Variants in SSH1 observed in about 807,000 individuals in gnomAD.
SSH1 encodes protein phosphatase Slingshot homolog 1.
A neutral mutation model predicts 79.7 loss-of-function variants in SSH1; 43 were observed. That is an observed-to-expected ratio of 0.54 (90% CI 0.42 to 0.70). SSH1 has a LOEUF of 0.70. Among genes scored for constraint, SSH1 ranks in the 30% least tolerant of loss-of-function variants. The pLI is 0.00. For synonymous variants in SSH1, 599 were observed against 538.3 expected, an observed-to-expected ratio of 1.11 and a Z score of -1.56; for missense variants, 1,206 against 1,358.8, an observed-to-expected ratio of 0.89 and a Z score of 1.77.
At chr12:108,845,079 T>C (rs912357758) in intron 2 of SSH1, among the ~76,000 whole-genome samples, 12 of 134,834 alleles carry the variant, frequency 8.9e-5, no homozygotes, top group African/African-American at 3.5e-4. Flanking sequence ...ATTTGCAGGG[T>C]ACACCTACAG....
intron 1 of SSH1, among the ~76,000 whole-genome samples, chr12:108,854,606 C>T (rs1285566405): frequency 6.6e-6 from 1 of 152,204 alleles, no homozygotes; most frequent in Non-Finnish European, 1.5e-5. Context: ...CCCTAAGTGT[C>T]TGACTCATTA....
At chr12:108,806,467 A>C (rs1487621171) in intron 8 of SSH1, 73 bp from the exon 9 acceptor site, 4 of 1,361,762 alleles carry the variant, frequency 2.9e-6, no homozygotes, top group Non-Finnish European at 4.2e-6. Context: ...GGAATGCCAG[A>C]TGCTCCTGGG....
intron 7 of SSH1, among the ~76,000 whole-genome samples, chr12:108,809,470 AAC>A (rs1311273223): frequency 6.6e-6 from 1 of 151,590 alleles, no homozygotes; most frequent in East Asian, 1.9e-4. Context: ...AAAAAAAAAA[AAC>A]GAGAAACCCC....
chr12:108,811,711 C>T (rs1418726408), intron 5 of SSH1: 2 of 339,634 alleles, frequency 5.9e-6, no homozygotes, highest in East Asian at 7.1e-5. Context: ...GTGCTCACAC[C>T]GTTCCCGGAG....
intron 2 of SSH1, among the ~76,000 whole-genome samples, chr12:108,836,585 T>C (rs774286913): frequency 6.6e-6 from 1 of 152,192 alleles, no homozygotes; most frequent in Non-Finnish European, 1.5e-5. Flanking sequence ...GAGCAGATTA[T>C]AAACCACTGA....
At chr12:108,852,483 G>A (rs2137295600) in intron 2 of SSH1, among the ~76,000 whole-genome samples, 155 bp downstream of exon 2, 1 of 152,186 alleles carries the variant, frequency 6.6e-6, no homozygotes, top group Non-Finnish European at 1.5e-5. Flanking sequence ...ACCCGCCTCA[G>A]CCTCCCAAAG....
chr12:108,811,997 T>C (rs192342269), intron 5 of SSH1, among the ~76,000 whole-genome samples: 9 of 152,170 alleles, frequency 5.9e-5, no homozygotes, highest in African/African-American at 2.2e-4. Context: ...TGCTTCCATC[T>C]CTGCTGCTGC....
In SSH1 at chr12:108,792,854, G is replaced by C. The variant is rs1162471530; in HGVS notation, c.1350-25C>G. 5.0e-6 allele frequency: 8 copies of C among 1,612,430 alleles called. No individual in the cohort carries two copies. The South Asian group carries it at 8.8e-5, about 18-fold the overall frequency. ...GCTGCGGGGAGAGAGGGTAGAGGAA[G>C]GTGAGGGGAGGAGGATGGTGCCTGG... On this transcript the variant is annotated intron_variant, in intron 13 of 14. Coordinates refer to ENST00000326495, the MANE Select transcript of SSH1 (RefSeq NM_018984.4).
intron 5 of SSH1, among the ~76,000 whole-genome samples, chr12:108,815,825 T>A (rs2037858688): frequency 6.6e-6 from 1 of 152,230 alleles, no homozygotes; most frequent in Non-Finnish European, 1.5e-5. Context: ...TGCTATTTAT[T>A]ATGTACTGCG....
At chr12:108,815,582 G>A (rs767266738) in intron 5 of SSH1, among the ~76,000 whole-genome samples, 1 of 152,212 alleles carries the variant, frequency 6.6e-6, no homozygotes, top group African/African-American at 2.4e-5. Context: ...CCTCAGAACC[G>A]TACAGATAAT....
chr12:108,795,698 A>C (rs1223665726), intron 13 of SSH1, among the ~76,000 whole-genome samples: 1 of 152,098 alleles, frequency 6.6e-6, no homozygotes, highest in East Asian at 1.9e-4. Flanking sequence ...TCTACAGAAA[A>C]AAATATAAAA....
At chr12:108,800,712 G>C in intron 12 of SSH1, 68 bp downstream of exon 12, 1 of 1,598,600 alleles carries the variant, frequency 6.3e-7, no homozygotes, top group Non-Finnish European at 8.6e-7. Context: ...CTGCAGTCTC[G>C]TTCATTCCCA....
chr12:108,820,014 G>A lies in SSH1; in HGVS notation c.215-1701C>T, dbSNP rs867894500. Among the ~76,000 whole-genome samples the A allele has an allele frequency of 5.3e-5, 8 of 152,228 alleles. No individual in the cohort carries two copies. In the South Asian group the frequency reaches 1.7e-3, roughly 32 times the overall value. On this transcript the variant is annotated intron_variant, in intron 3 of 14. Transcript: ENST00000326495. ...TAGAAATTTGTGCCTCTAGCCAGGAGGGTAGATCTCATGTTAAGCGTTCTT... is the reference window on the plus strand; with the variant it reads ...TAGAAATTTGTGCCTCTAGCCAGGAAGGTAGATCTCATGTTAAGCGTTCTT...
At chr12:108,812,533 G>A (rs1205392969) in intron 5 of SSH1, among the ~76,000 whole-genome samples, 2 of 152,260 alleles carry the variant, frequency 1.3e-5, no homozygotes, top group African/African-American at 2.4e-5. Context: ...GGCCAGGGGC[G>A]GGGCCTTCCA....
chr12:108,855,508 A>T (rs1566024206), intron 1 of SSH1, among the ~76,000 whole-genome samples: 1 of 152,262 alleles, frequency 6.6e-6, no homozygotes, highest in Non-Finnish European at 1.5e-5. Flanking sequence ...TAACTAAAAA[A>T]TAATAAGACC....
At chr12:108,789,769 G>T in intron 14 of SSH1, among the ~76,000 whole-genome samples, 1 of 152,290 alleles carries the variant, frequency 6.6e-6, no homozygotes, top group East Asian at 1.9e-4. Flanking sequence ...AAGCAGGAAG[G>T]AGGAGGGCAC....
At chr12:108,835,889 A>ATAATATAGTTATAAT (rs1566012791) in intron 2 of SSH1, among the ~76,000 whole-genome samples, 19 of 69,128 alleles carry the variant, frequency 2.7e-4, no homozygotes, top group African/African-American at 6.9e-4. Context: ...TTAATTAATT[A>ATAATATAGTTATAAT]TAACTATATT....
At chr12:108,802,405 C>T (rs370314107) in intron 10 of SSH1, 37 bp from the exon 11 acceptor site, 20 of 1,605,876 alleles carry the variant, frequency 1.2e-5, no homozygotes, top group East Asian at 4.5e-5. Context: ...GTGAGTGTCA[C>T]ATGTCAGCCT....
Position 108,787,992 on chromosome 12 carries a change from C to CT in SSH1, c.3145dup (p.Ser1049LysfsTer33). 6.2e-7 allele frequency: 1 copy of CT among 1,614,162 alleles called. No individual in the cohort carries two copies. Among genetic ancestry groups the CT allele is most frequent in the Non-Finnish European group, 8.5e-7 (1 of 1,180,032 alleles). ...CCTGACGCAGCAAAAGGCGGGTCAG[C>CT]TTTTGCTCATCCACGAAGGGCTCTT... is the stretch of plus-strand genomic sequence containing the variant. On this transcript the variant is annotated frameshift_variant, in exon 15 of 15. Transcript: ENST00000326495. LOFTEE classifies it high-confidence loss of function.
Sources: gnomAD v4.1 joint callset for allele counts (sites outside exome capture counted in the v4.1 genomes callset) on GRCh38, gnomAD v4.1.1 for gene constraint, MANE v1.5 for transcripts, NCBI Gene and HGNC (gene_info 2026-07-23, HGNC 2026-07-21) for gene names.